Variants in SPOCK2 observed in about 807,000 individuals in gnomAD.
SPOCK2 encodes the protein testican-2.
Under a neutral mutation model 60.1 loss-of-function variants are expected in SPOCK2, and 39 were observed. The observed-to-expected ratio is 0.65, with a 90% confidence interval of 0.50 to 0.85. The LOEUF (loss-of-function observed/expected upper bound fraction) is 0.85, where lower values mean the gene tolerates loss of function less well. Ranked by LOEUF, SPOCK2 falls within the 40% of genes least tolerant of loss-of-function variation. The probability of loss-of-function intolerance (pLI) is 0.00; values close to 1 mark genes in which losing one functional copy is unlikely to be tolerated. For missense variants in SPOCK2, 523 were observed against 567.4 expected, an observed-to-expected ratio of 0.92 and a Z score of 0.80; for synonymous variants, 217 against 231.5, an observed-to-expected ratio of 0.94 and a Z score of 0.57.
Position 72,088,421 on chromosome 10 carries a change from T to C in SPOCK2, c.-93A>G, listed in dbSNP as rs1182872333. On this transcript the variant is annotated 5_prime_UTR_variant, in exon 1 of 11. Coordinates refer to ENST00000373109, the MANE Select transcript of SPOCK2 (RefSeq NM_001244950.2). The stretch of plus-strand genomic sequence containing the variant: ...GCTGCTGGCGAAGCGCACGCGGCTG[T>C]CCTCAGCTCTCCTCCCGCGGTCTGC... The C allele has an allele frequency of 1.5e-6, 2 of 1,366,852 alleles. No homozygotes were observed. The highest frequency in any genetic ancestry group is 1.9e-6 in the Non-Finnish European group (2 of 1,039,602). The allele number at this position is 1,366,852 out of a possible 1,614,324, so 84.7% of individuals were successfully genotyped here. A position where few individuals can be genotyped will look rare whatever the true frequency, so the allele number is the denominator to read the frequency against.
chr10:72,066,842 G>C, intron 8 of SPOCK2, 60 bp downstream of exon 8: 1 of 1,597,514 alleles, frequency 6.3e-7, no homozygotes, highest in Non-Finnish European at 8.6e-7. Flanking sequence ...AAGAGAGCCT[G>C]GAACTTCGGG....
chr10:72,063,078 T>C lies in SPOCK2; in HGVS notation c.1076A>G (p.Asp359Gly). ...DQSSGDCWCV[D>G]QLGLELTGTR... ...GCCAGTCAGCTCCAGGCCCAGCTGG[T>C]CCACACACCAGCAGTCACCGCTGCT... Residue 359 changes from aspartate to glycine, a missense_variant, in exon 10 of 11, where the codon GAC becomes GGC. By Grantham distance (94) the Asp-to-Gly change is moderately conservative. Transcript: ENST00000373109. 2 of 1,554,754 alleles carry C rather than the reference T, an allele frequency of 1.3e-6. No individual in the cohort carries two copies. The highest frequency in any genetic ancestry group is 1.7e-6 in the Non-Finnish European group (2 of 1,148,762).
chr10:72,073,945 G>T (rs1840682117), intron 1 of SPOCK2, among the ~76,000 whole-genome samples: 1 of 152,256 alleles, frequency 6.6e-6, no homozygotes, highest in South Asian at 2.1e-4. Flanking sequence ...TCCCAGGCCT[G>T]CAGGCTGGCA....
Position 72,062,766 on chromosome 10 carries a change from G to T in SPOCK2, c.1269C>A (p.Ile423=). The T allele has an allele frequency of 6.2e-7, 1 of 1,604,980 alleles. No homozygotes were observed. Residue 423 remains isoleucine (I), a synonymous_variant, in exon 11 of 11, where the codon ATC becomes ATA. Coordinates refer to ENST00000373109, the MANE Select transcript of SPOCK2 (RefSeq NM_001244950.2). The surrounding 1 kb of genome is among the most constrained non-coding windows in gnomAD (Gnocchi z 4.3). Reference sequence around the variant, plus strand: ...AGCCGGCTCCTGAGGGCGTCTACCAGATGTAGCCCCCGTCGTCAGCCTCGC... The same window carrying T: ...AGCCGGCTCCTGAGGGCGTCTACCATATGTAGCCCCCGTCGTCAGCCTCGC... ...EAGEADDGGY[I]W
chr10:72,086,344 T>G (rs1840854477), intron 1 of SPOCK2: 1 of 996,418 alleles, frequency 1.0e-6, no homozygotes, highest in South Asian at 4.4e-5. Context: ...TCATTTATTC[T>G]CACCCACGGA....
Position 72,059,171 on chromosome 10 carries a change from A to AGGCGG in SPOCK2, c.*3584_*3588dup, listed in dbSNP as rs1317209023. ...GACACGAGGCAGGGTCCCCAAGTGG[A>AGGCGG]GGCGGGGCGGGACGTGAGAGGATGG... On this transcript the variant is annotated 3_prime_UTR_variant, in exon 11 of 11. Coordinates refer to ENST00000373109, the MANE Select transcript of SPOCK2 (RefSeq NM_001244950.2). The AGGCGG allele has an allele frequency of 6.5e-6, 1 of 152,734 alleles. No individual in the cohort carries two copies. The highest frequency in any genetic ancestry group is 1.5e-5 in the Non-Finnish European group (1 of 68,090). 9.5% of individuals were successfully genotyped at this position (152,734 alleles called of 1,614,324 possible).
At position 72,088,187 on chromosome 10, in the gene SPOCK2, T is replaced by C. The variant is rs774732463; in HGVS notation, c.142A>G (p.Ile48Val). 1.8e-5 allele frequency: 29 copies of C among 1,613,114 alleles called. No homozygotes were observed. Among genetic ancestry groups the C allele is most frequent in the East Asian group, 2.2e-5 (1 of 44,852 alleles). ...FMEDEQWLSS[I>V]SQYSGKIKHW... ...TTGATCTTGCCGCTGTACTGCGAGATGGACGACAGCCATTGCTCGTCCTCC... is the reference window on the plus strand; with the variant it reads ...TTGATCTTGCCGCTGTACTGCGAGACGGACGACAGCCATTGCTCGTCCTCC... The change falls in exon 1 of 11, where the codon ATC becomes GTC. Residue 48 changes from isoleucine (I) to valine (V), a missense_variant. Ile to Val is a conservative substitution (Grantham distance 29). Transcript: ENST00000373109.
At chr10:72,077,228 C>G (rs1273967252) in intron 1 of SPOCK2, among the ~76,000 whole-genome samples, 1 of 152,142 alleles carries the variant, frequency 6.6e-6, no homozygotes, top group East Asian at 1.9e-4. Context: ...TCAAGCGATC[C>G]TCCCACCTCA....
At position 72,063,182 on chromosome 10, in the gene SPOCK2, G is replaced by T; in HGVS notation, c.992-20C>A. On this transcript the variant is annotated intron_variant, in intron 9 of 10. Coordinates refer to ENST00000373109, the MANE Select transcript of SPOCK2 (RefSeq NM_001244950.2). ...AGATGCCTGAATGAGACAGTGCCAG[G>T]CAGGGTCAGAGCAGGGGCCCAGGCT... The T allele has an allele frequency of 6.4e-7, 1 of 1,554,676 alleles. No homozygotes were observed. Among genetic ancestry groups the T allele is most frequent in the East Asian group, 2.4e-5 (1 of 41,184 alleles).
chr10:72,067,637 T>C lies in SPOCK2; in HGVS notation c.685A>G (p.Ser229Gly). 1 of 1,613,562 alleles carries C rather than the reference T, an allele frequency of 6.2e-7. No individual in the cohort carries two copies. Residue 229 changes from serine to glycine, a missense_variant, in exon 7 of 11, where the codon AGC becomes GGC. By Grantham distance (56) the Ser-to-Gly change is moderately conservative. Transcript: ENST00000373109. ...CCGCTGGCCGGGCCGGCTACACTGC[T>C]GGCTGAGCCATTCTGCTTGGAGTTC... ...HENSKQNGSA[S>G]SVAGPASGLD...
chr10:72,085,230 A>G (rs1840838997), intron 1 of SPOCK2, among the ~76,000 whole-genome samples: 1 of 152,228 alleles, frequency 6.6e-6, no homozygotes, highest in East Asian at 1.9e-4. Context: ...GGCAGGGTAC[A>G]GCTAGATCTG....
At chr10:72,065,327 C>T (rs370977796) in intron 8 of SPOCK2, among the ~76,000 whole-genome samples, 9 of 152,330 alleles carry the variant, frequency 5.9e-5, no homozygotes, top group East Asian at 5.8e-4. Flanking sequence ...TGAGCCACCG[C>T]GCCCGGTCTA....
chr10:72,066,852 G>A (rs770432076), intron 8 of SPOCK2, 50 bp downstream of exon 8: 13 of 1,605,060 alleles, frequency 8.1e-6, no homozygotes, highest in Middle Eastern at 1.7e-4. Flanking sequence ...GGAACTTCGG[G>A]TAGAGCCCAC....
In SPOCK2 at chr10:72,088,192, G is replaced by T; in HGVS notation, c.137C>A (p.Ser46Ter). ...CTTGCCGCTGTACTGCGAGATGGAC[G>T]ACAGCCATTGCTCGTCCTCCATGAA... ...GNFMEDEQWL[S>*]SISQYSGKIK... Residue 46 changes from serine to a stop codon, truncating the protein, a stop_gained, in exon 1 of 11, where the codon TCG (serine) becomes TAG (stop). Coordinates refer to ENST00000373109, the MANE Select transcript of SPOCK2 (RefSeq NM_001244950.2). LOFTEE classifies it high-confidence loss of function. 6.2e-7 allele frequency: 1 copy of T among 1,613,088 alleles called. No homozygotes were observed. The highest frequency in any genetic ancestry group is 8.5e-7 in the Non-Finnish European group (1 of 1,179,720).
chr10:72,080,600 G>A (rs1001044892), intron 1 of SPOCK2, among the ~76,000 whole-genome samples: 1 of 152,070 alleles, frequency 6.6e-6, no homozygotes, highest in East Asian at 1.9e-4. Flanking sequence ...GTGTCCCTGT[G>A]AGGGGGTGGG....
rs1329837020 is a variant in SPOCK2, at chr10:72,067,681, C to G, written c.641G>C (p.Trp214Ser). The G allele has an allele frequency of 1.2e-6, 2 of 1,613,886 alleles. No homozygotes were observed. The highest frequency in any genetic ancestry group is 8.5e-7 in the Non-Finnish European group (1 of 1,180,014). Residue 214 changes from tryptophan (W) to serine (S), a missense_variant, in exon 7 of 11, where the codon TGG becomes TCG. Physicochemically the swap from Trp to Ser is radical, Grantham distance 177 (BLOSUM62 -3). Coordinates refer to ENST00000373109, the MANE Select transcript of SPOCK2 (RefSeq NM_001244950.2). ...LADLGDRLRD[W>S]FQLLHENSKQ... Reference sequence around the variant, plus strand: ...GGAGTTCTCATGAAGGAGCTGGAACCAGTCCCGCAGCCGATCTCCCAGGTC... The same window carrying G: ...GGAGTTCTCATGAAGGAGCTGGAACGAGTCCCGCAGCCGATCTCCCAGGTC...
chr10:72,063,140 G>C lies in SPOCK2; in HGVS notation c.1014C>G (p.Asp338Glu), dbSNP rs1309601050. 1 of 1,556,784 alleles carries C rather than the reference G, an allele frequency of 6.4e-7. No homozygotes were observed. Among genetic ancestry groups the C allele is most frequent in the Non-Finnish European group, 8.7e-7 (1 of 1,149,834 alleles). Reference sequence around the variant, plus strand: ...GCATCTTCCGGTAGTAGCCATCCTCGTCGCAGCTCGGGATGAAGATGCCTG... The same window carrying C: ...GCATCTTCCGGTAGTAGCCATCCTCCTCGCAGCTCGGGATGAAGATGCCTG... ...KKPGIFIPSC[D>E]EDGYYRKMQC... Residue 338 changes from aspartate to glutamate, a missense_variant, in exon 10 of 11, where the codon GAC (aspartate) becomes GAG (glutamate). By Grantham distance (45) the Asp-to-Glu change is conservative. Coordinates refer to ENST00000373109, the MANE Select transcript of SPOCK2 (RefSeq NM_001244950.2).
At chr10:72,066,771 G>A in intron 8 of SPOCK2, 131 bp downstream of exon 8, 1 of 1,003,670 alleles carries the variant, frequency 1.0e-6, no homozygotes, top group South Asian at 1.5e-5. Flanking sequence ...GCAGGAAGTG[G>A]GCAAGCTGGG....
rs953804789 is a variant in SPOCK2, at chr10:72,087,352, C to G, written c.189+788G>C. Reference sequence around the variant, plus strand: ...ACGCCGGGGTTCGGGCGGCGCCCGCCGGGGGCCCCCAAACCCAGCTTCTGG... The same window carrying G: ...ACGCCGGGGTTCGGGCGGCGCCCGCGGGGGGCCCCCAAACCCAGCTTCTGG... On this transcript the variant is annotated intron_variant, in intron 1 of 10. Coordinates refer to ENST00000373109, the MANE Select transcript of SPOCK2 (RefSeq NM_001244950.2). The surrounding 1 kb of genome is among the most constrained non-coding windows in gnomAD (Gnocchi z 4.7). 2.6e-5 allele frequency among the ~76,000 whole-genome samples: 4 copies of G among 152,180 alleles called. No homozygotes were observed. Among genetic ancestry groups the G allele is most frequent in the Non-Finnish European group, 5.9e-5 (4 of 68,024 alleles).
Sources: allele counts gnomAD v4.1 joint callset (sites outside exome capture counted in the v4.1 genomes callset), GRCh38; gene constraint gnomAD v4.1.1; non-coding constraint Gnocchi (gnomAD v3.1); transcripts MANE v1.5; gene names NCBI Gene and HGNC (gene_info 2026-07-23, HGNC 2026-07-21).